SPICE1: variants seen among roughly 807,000 people sequenced by gnomAD.
SPICE1 encodes the protein spindle and centriole associated protein 1, also known as spindle and centriole-associated protein 1.
In SPICE1, 75 loss-of-function variants were observed where a neutral mutation model predicts 102.7. The observed-to-expected ratio is 0.73, with a 90% CI of 0.61 to 0.88. SPICE1 has a LOEUF of 0.88. SPICE1 is among the 40% of genes least tolerant of loss of function. The pLI, the probability that SPICE1 is intolerant of heterozygous loss-of-function variation, is 0.00. For synonymous variants in SPICE1, 308 were observed against 350.3 expected (o/e 0.88, Z 1.35); for missense variants, 979 against 1,020.1 (o/e 0.96, Z 0.55).
intron 4 of SPICE1, among the ~76,000 whole-genome samples, chr3:113,497,962 C>T (rs573325327): frequency 4.6e-5 from 7 of 151,772 alleles, no homozygotes; most frequent in East Asian, 1.9e-4. Flanking sequence ...CTGCAACCTC[C>T]GCCTCCCAGG....
At chr3:113,479,764 G>C (rs1229840590) in intron 7 of SPICE1, among the ~76,000 whole-genome samples, 1 of 152,016 alleles carries the variant, frequency 6.6e-6, no homozygotes, top group African/African-American at 2.4e-5. Flanking sequence ...AGTGATCAGA[G>C]TAGAATTCAG....
chr3:113,505,091 AC>A (rs1937081417), intron 2 of SPICE1, among the ~76,000 whole-genome samples: 1 of 152,070 alleles, frequency 6.6e-6, no homozygotes, highest in Non-Finnish European at 1.5e-5. Context: ...CTCAAATCCC[AC>A]CTAATTGGCT....
At chr3:113,501,258 T>C (rs547999822) in intron 3 of SPICE1, among the ~76,000 whole-genome samples, 15 of 152,044 alleles carry the variant, frequency 9.9e-5, no homozygotes, top group African/African-American at 3.4e-4. Context: ...TACAGAAAAA[T>C]TAACTTAAAA....
chr3:113,486,361 C>T (rs945815992), intron 7 of SPICE1, among the ~76,000 whole-genome samples: 4 of 149,880 alleles, frequency 2.7e-5, no homozygotes, highest in African/African-American at 9.8e-5. Flanking sequence ...CAAAGCAGAA[C>T]TGAAGGGGAT....
chr3:113,473,878 C>G (rs1465235384), intron 7 of SPICE1, among the ~76,000 whole-genome samples: 1 of 151,900 alleles, frequency 6.6e-6, no homozygotes, highest in Non-Finnish European at 1.5e-5. Flanking sequence ...ACTGCATCAA[C>G]TAACGAGCAA....
At chr3:113,457,612 T>C (rs560461047) in intron 12 of SPICE1, among the ~76,000 whole-genome samples, 17 of 152,210 alleles carry the variant, frequency 1.1e-4, no homozygotes, top group African/African-American at 4.1e-4. Flanking sequence ...AGCGAGCCAG[T>C]TAGGGACTCC....
rs947948551 is a variant in SPICE1 at position 113,444,409 on chromosome 3, A to G, written c.*898T>C. On this transcript the variant is annotated 3_prime_UTR_variant, in exon 18 of 18. Transcript: ENST00000295872. ...TAGCTACTCAGGAGGCTGAGGTAAGAGGATTGCTTGAACCCAGGAGACTGA... is the reference window on the plus strand; with the variant it reads ...TAGCTACTCAGGAGGCTGAGGTAAGGGGATTGCTTGAACCCAGGAGACTGA... 1 of 151,828 alleles carries G rather than the reference A, an allele frequency of 6.6e-6. No homozygotes were observed. Among genetic ancestry groups the G allele is most frequent in the African/African-American group, 2.4e-5 (1 of 41,300 alleles). The allele number at this position is 151,828 out of a possible 1,614,324, so 9.4% of individuals were successfully genotyped here.
intron 1 of SPICE1, 106 bp from the exon 2 acceptor site, chr3:113,506,711 G>A (rs191858027): frequency 4.8e-6 from 4 of 827,124 alleles, no homozygotes; most frequent in Non-Finnish European, 7.5e-6. Context: ...TAAAATGCCA[G>A]AAGAAAAATT....
intron 12 of SPICE1, 94 bp from the exon 13 acceptor site, chr3:113,457,451 G>T: frequency 8.0e-7 from 1 of 1,257,158 alleles, no homozygotes; most frequent in Non-Finnish European, 1.1e-6. Flanking sequence ...TCAGTAGAGT[G>T]CAAAATCCAC....
chr3:113,497,131 G>A (rs1365978596), intron 4 of SPICE1, among the ~76,000 whole-genome samples: 1 of 152,262 alleles, frequency 6.6e-6, no homozygotes, highest in South Asian at 2.1e-4. Flanking sequence ...AGAACTTCTG[G>A]GTGACATGTA....
chr3:113,448,191 A>C (rs1576619564), intron 15 of SPICE1, 51 bp from the exon 16 acceptor site: 1 of 1,453,608 alleles, frequency 6.9e-7, no homozygotes, highest in East Asian at 2.4e-5. Flanking sequence ...TGAAATAAAA[A>C]TTTCACTCAA....
intron 7 of SPICE1, among the ~76,000 whole-genome samples, chr3:113,474,268 A>T (rs1936283403): frequency 6.6e-6 from 1 of 152,118 alleles, no homozygotes; most frequent in Admixed American, 6.5e-5. Flanking sequence ...CCAATACAGG[A>T]GCACCCAGAT....
Position 113,453,776 on chromosome 3 carries a change from T to C in SPICE1, c.1832A>G (p.Glu611Gly). 2 of 1,614,116 alleles carry C rather than the reference T, an allele frequency of 1.2e-6. No individual in the cohort carries two copies. The highest frequency in any genetic ancestry group is 1.7e-6 in the Non-Finnish European group (2 of 1,180,004). ...AGCCTGAGTTTTGTTCTCCAAATCTTCTCCCATGTGAGAGACTCTCCATCT... is the reference window on the plus strand; with the variant it reads ...AGCCTGAGTTTTGTTCTCCAAATCTCCTCCCATGTGAGAGACTCTCCATCT... Reference protein sequence around the residue: ...TQRWRVSHMGEDLENKTQAPF... With the variant: ...TQRWRVSHMGGDLENKTQAPF... The change falls in exon 14 of 18, where the codon GAA becomes GGA. Residue 611 changes from glutamate to glycine, a missense_variant. Transcript: ENST00000295872.
intron 1 of SPICE1, among the ~76,000 whole-genome samples, chr3:113,512,405 C>CTTTTT (rs34015506): frequency 4.2e-3 from 442 of 104,284 alleles, no homozygotes; most frequent in East Asian, 9.7e-3. Context: ...GAAAAGCTTT[C>CTTTTT]TTTTTTTTTT....
rs1201575727 is a variant in SPICE1 at position 113,446,692 on chromosome 3, A to G, written c.2427-16T>C. ...CCCGGAAGATCTATTCATGAAAAAT[A>G]AAACAGAGTAAGAGAGTGAGCTATC... On this transcript the variant is annotated splice_polypyrimidine_tract_variant and intron_variant, in intron 16 of 17. Coordinates refer to ENST00000295872, the MANE Select transcript of SPICE1 (RefSeq NM_144718.4). 3 of 1,585,284 alleles carry G rather than the reference A, an allele frequency of 1.9e-6. No individual in the cohort carries two copies. The highest frequency in any genetic ancestry group is 2.6e-6 in the Non-Finnish European group (3 of 1,155,340).
intron 6 of SPICE1, among the ~76,000 whole-genome samples, chr3:113,491,646 A>AAAAAAAAAAAAT (rs1559972346): frequency 1.7e-4 from 26 of 150,384 alleles, no homozygotes; most frequent in African/African-American, 6.2e-4. Context: ...AAAAAAAAAA[A>AAAAAAAAAAAAT]AAAGATTATC....
intron 4 of SPICE1, among the ~76,000 whole-genome samples, chr3:113,497,656 T>C (rs920719762): frequency 6.7e-6 from 1 of 149,446 alleles, no homozygotes; most frequent in East Asian, 2.0e-4. Context: ...AGTCCAGATA[T>C]AGTTATATAT....
intron 6 of SPICE1, among the ~76,000 whole-genome samples, chr3:113,490,342 A>G (rs985554139): frequency 4.6e-5 from 7 of 152,130 alleles, no homozygotes; most frequent in Non-Finnish European, 7.4e-5. Context: ...TCAACTGCCT[A>G]TAAGATATCT....
intron 7 of SPICE1, among the ~76,000 whole-genome samples, chr3:113,475,269 C>G (rs1387387610): frequency 2.6e-5 from 4 of 152,156 alleles, no homozygotes; most frequent in Non-Finnish European, 5.9e-5. Context: ...CAATAACAGG[C>G]TCTGAAATAG....
Sources: gnomAD v4.1 joint callset for allele counts (sites outside exome capture counted in the v4.1 genomes callset) on GRCh38, gnomAD v4.1.1 for gene constraint, MANE v1.5 for transcripts, NCBI Gene and HGNC (gene_info 2026-07-23, HGNC 2026-07-21) for gene names.